The following PRAMEF11 variants were observed in gnomAD, a reference collection of about 807,000 sequenced individuals.
The protein encoded by PRAMEF11 is PRAME family member 11.
In PRAMEF11, 17 loss-of-function variants were observed where a neutral mutation model predicts 33.6. That is an observed-to-expected ratio of 0.51 (90% CI 0.35 to 0.76). The LOEUF is 0.76. Among genes scored for constraint, PRAMEF11 ranks in the 30% least tolerant of loss-of-function variants. PRAMEF11 has a pLI of 0.01. For missense variants in PRAMEF11, 568 were observed against 567.0 expected (o/e 1.00, Z -0.02); for synonymous variants, 205 against 227.3 (o/e 0.90, Z 0.88).
rs2743671 is a variant in PRAMEF11 at position 12,827,191 on chromosome 1, T to C, written c.875+58A>G. 72 of 1,510,820 alleles carry C rather than the reference T, an allele frequency of 4.8e-5. 1 individual carries two copies. The highest frequency in any genetic ancestry group is 2.2e-4 in the African/African-American group (16 of 72,764). The allele number at this position is 1,510,820 out of a possible 1,614,324, so 93.6% of individuals were successfully genotyped here. On this transcript the variant is annotated intron_variant, in intron 3 of 3. Transcript: ENST00000619922. Reference sequence around the variant, plus strand: ...CTGGCTCACAGTAGATGCCCACTAGTGTTCACTGTAACAGGCTCTGCTGTG... The same window carrying C: ...CTGGCTCACAGTAGATGCCCACTAGCGTTCACTGTAACAGGCTCTGCTGTG...
rs1639829959 is a variant in PRAMEF11, at chr1:12,825,134, A to G, written c.1245T>C (p.Tyr415=). The change falls in exon 4 of 4, where the codon TAT becomes TAC. Residue 415 remains tyrosine (Y), a synonymous_variant. Transcript: ENST00000619922. The part of the protein sequence containing the change: ...IILKNLCLEL[Y]PAPQESYGAD... Reference sequence around the variant, plus strand: ...CACCATAACTTTCCTGCGGGGCAGGATACAGCTCCAGGCATAAGTTTTTGA... The same window carrying G: ...CACCATAACTTTCCTGCGGGGCAGGGTACAGCTCCAGGCATAAGTTTTTGA... 12 of 1,609,326 alleles carry G rather than the reference A, an allele frequency of 7.5e-6. No homozygotes were observed. Among genetic ancestry groups the G allele is most frequent in the South Asian group, 1.1e-5 (1 of 90,480 alleles).
At chr1:12,826,238 A>G (rs1031087795) in intron 3 of PRAMEF11, among the ~76,000 whole-genome samples, 11 of 150,928 alleles carry the variant, frequency 7.3e-5, no homozygotes, top group African/African-American at 2.7e-4. Context: ...TATCACTTTC[A>G]TCATTCTTTG....
At chr1:12,830,498 C>T (rs556812527) in intron 1 of PRAMEF11, among the ~76,000 whole-genome samples, 1 of 151,166 alleles carries the variant, frequency 6.6e-6, no homozygotes, top group Non-Finnish European at 1.5e-5. Flanking sequence ...AAATTAAGGT[C>T]AAAGATCCTT....
chr1:12,829,657 C>A (rs1239380797), intron 1 of PRAMEF11, among the ~76,000 whole-genome samples: 2 of 151,354 alleles, frequency 1.3e-5, no homozygotes, highest in Non-Finnish European at 2.9e-5. Context: ...CAATCTACCC[C>A]TCTTGGCCTC....
chr1:12,829,517 C>A (rs78016965), intron 1 of PRAMEF11, among the ~76,000 whole-genome samples: 1,452 of 143,636 alleles, frequency 0.01, 4 homozygotes, highest in East Asian at 0.056. Flanking sequence ...TCTTCCTCCT[C>A]AGCCTCTCAA....
intron 1 of PRAMEF11, among the ~76,000 whole-genome samples, chr1:12,830,588 G>A (rs1379828516): frequency 1.3e-5 from 2 of 150,994 alleles, no homozygotes; most frequent in East Asian, 3.9e-4. Flanking sequence ...GTATGAGCAT[G>A]GCTCACTGCA....
intron 1 of PRAMEF11, among the ~76,000 whole-genome samples, chr1:12,829,798 A>G (rs998501862): frequency 2.0e-5 from 3 of 151,114 alleles, no homozygotes; most frequent in Non-Finnish European, 4.4e-5. Context: ...ACTTGAACCC[A>G]GGAGGCAGAA....
intron 3 of PRAMEF11, among the ~76,000 whole-genome samples, chr1:12,827,007 A>G (rs1443382259): frequency 6.6e-6 from 1 of 151,122 alleles, no homozygotes; most frequent in African/African-American, 2.4e-5. Flanking sequence ...ACCCCCCAGT[A>G]GCTAGCTTCC....
intron 2 of PRAMEF11, 112 bp from the exon 3 acceptor site, chr1:12,827,942 T>G (rs1362709311): frequency 1.3e-6 from 2 of 1,564,418 alleles, no homozygotes; most frequent in Non-Finnish European, 1.7e-6. Context: ...TCTCTCTGAG[T>G]TTTCTTCACC....
chr1:12,825,458 C>A lies in PRAMEF11; in HGVS notation c.921G>T (p.Val307=). Residue 307 remains valine, a synonymous_variant, in exon 4 of 4, where the codon GTG becomes GTT. Coordinates refer to ENST00000619922, the MANE Select transcript of PRAMEF11 (RefSeq NM_001146344.3). Reference sequence around the variant, plus strand: ...GATGCTTCAAGTCTGATTCCAAAAGCACACAGTTAGTTATTGTGAGGACCT... The same window carrying A: ...GATGCTTCAAGTCTGATTCCAAAAGAACACAGTTAGTTATTGTGAGGACCT... ...SLKVLTITNC[V]LLESDLKHLS... The A allele has an allele frequency of 8.9e-7, 1 of 1,123,596 alleles. No homozygotes were observed. The highest frequency in any genetic ancestry group is 1.3e-6 in the Non-Finnish European group (1 of 796,736). The allele number at this position is 1,123,596 out of a possible 1,614,324, so 69.6% of individuals were successfully genotyped here.
In PRAMEF11 at chr1:12,828,507, C is replaced by T. The variant is rs59592656; in HGVS notation, c.283G>A (p.Val95Ile). 2.1e-3 allele frequency: 3,342 copies of T among 1,600,024 alleles called. 110 individuals carry two copies. The African/African-American group carries it at 0.04, about 19-fold the overall frequency. ...CCTGGGCCACCTCACCTGGGACGAA[C>T]CCCTTGGGTAAGCAGTGCATCCAGC... is the stretch of plus-strand genomic sequence containing the variant. ...DGLDALLTQG[V>I]RPRRWKLQVL... The change falls in exon 2 of 4, where the codon GTT becomes ATT. Residue 95 changes from valine (V) to isoleucine (I), a missense_variant. By Grantham distance (29) the Val-to-Ile change is conservative. Around this residue, in one of 3 missense-constraint regions of PRAMEF11, gnomAD observed 342 missense variants for 312.0 expected, o/e 1.10. Coordinates refer to ENST00000619922, the MANE Select transcript of PRAMEF11 (RefSeq NM_001146344.3).
Position 12,825,256 on chromosome 1 carries a change from C to A in PRAMEF11, c.1123G>T (p.Ala375Ser). 2 of 1,606,184 alleles carry A rather than the reference C, an allele frequency of 1.2e-6. No homozygotes were observed. Among genetic ancestry groups the A allele is most frequent in the South Asian group, 1.1e-5 (1 of 90,320 alleles). Residue 375 changes from alanine (A) to serine (S), a missense_variant, in exon 4 of 4, where the codon GCC becomes TCC. Physicochemically the swap from Ala to Ser is moderately conservative, Grantham distance 99. Around this residue, in one of 3 missense-constraint regions of PRAMEF11, gnomAD observed 174 missense variants for 127.2 expected, o/e 1.37. Transcript: ENST00000619922. ...TTGAGCTCAAAGCAGCGGCTCAGGG[C>A]AGGCAGGATGGCGTTGACTTGGGAG... ...IDSQVNAILPALSRCFELNTF... is the reference protein window; with the variant it reads ...IDSQVNAILPSLSRCFELNTF...
In PRAMEF11 at chr1:12,828,641, C is replaced by A. The variant is rs773130613; in HGVS notation, c.149G>T (p.Arg50Leu). Residue 50 changes from arginine (R) to leucine (L), a missense_variant, in exon 2 of 4, where the codon CGC becomes CTC. By Grantham distance (102) the Arg-to-Leu change is moderately radical. Transcript: ENST00000619922. ...PLFMEAFSRR[R>L]CEALKLMVQA... ...CACCATCAGCTTCAGGGCCTCACAG[C>A]GTCTCCTGCTGAAGGCCTCCATGAA... 1.9e-6 allele frequency: 3 copies of A among 1,610,400 alleles called. No individual in the cohort carries two copies. Among genetic ancestry groups the A allele is most frequent in the Admixed American group, 1.7e-5 (1 of 59,716 alleles).
chr1:12,829,863 T>C (rs1388672783), intron 1 of PRAMEF11, among the ~76,000 whole-genome samples: 1 of 151,232 alleles, frequency 6.6e-6, no homozygotes, highest in African/African-American at 2.4e-5. Context: ...ATAGGCTAGA[T>C]TGAACAGAGA....
chr1:12,831,209 G>C (rs930121328), intron 1 of PRAMEF11, 147 bp downstream of exon 1: 1 of 150,946 alleles, frequency 6.6e-6, no homozygotes, highest in Admixed American at 6.6e-5. Context: ...TGCATTTAGA[G>C]GAAAAAATTC....
rs547519601 is a variant in PRAMEF11, at chr1:12,825,963, T to G, written c.876-460A>C. Reference sequence around the variant, plus strand: ...CACTCCAGCCTGGGTGACAGAGTGATACTCTATTAAAAAAAAAAAAAGGAG... The same window carrying G: ...CACTCCAGCCTGGGTGACAGAGTGAGACTCTATTAAAAAAAAAAAAAGGAG... On this transcript the variant is annotated intron_variant, in intron 3 of 3. Coordinates refer to ENST00000619922, the MANE Select transcript of PRAMEF11 (RefSeq NM_001146344.3). Among the ~76,000 whole-genome samples the G allele has an allele frequency of 4.6e-4, 64 of 138,172 alleles. 1 individual carries two copies. Among genetic ancestry groups the G allele is most frequent in the African/African-American group, 1.6e-3 (58 of 36,770 alleles). 90.6% of individuals were successfully genotyped at this position (138,172 alleles called of 152,430 possible). A position where few individuals can be genotyped will look rare whatever the true frequency, so the allele number is the denominator to read the frequency against.
Position 12,827,704 on chromosome 1 carries a change from A to G in PRAMEF11, c.420T>C (p.Cys140=), listed in dbSNP as rs746043907. ...AGGGCTGCCGTCCTCTCATCCTTGG[A>G]CAGTCCTGCACTGGTTTTTTGTTCC... ...AKRNKKPVQD[C]PRMRGRQPLT... The change falls in exon 3 of 4, where the codon TGT becomes TGC. Residue 140 remains cysteine (C), a synonymous_variant. Coordinates refer to ENST00000619922, the MANE Select transcript of PRAMEF11 (RefSeq NM_001146344.3). The G allele has an allele frequency of 3.7e-6, 6 of 1,609,914 alleles. 1 individual carries two copies. The highest frequency in any genetic ancestry group is 5.1e-6 in the Non-Finnish European group (6 of 1,178,012).
chr1:12,826,793 T>C (rs1315477490), intron 3 of PRAMEF11, among the ~76,000 whole-genome samples: 2 of 148,950 alleles, frequency 1.3e-5, no homozygotes, highest in Non-Finnish European at 2.9e-5. Context: ...TTGATTTTAC[T>C]TTTATTTATT....
At chr1:12,829,367 G>C (rs192670681) in intron 1 of PRAMEF11, among the ~76,000 whole-genome samples, 2,688 of 133,010 alleles carry the variant, frequency 0.02, 120 homozygotes, top group African/African-American at 0.071. Flanking sequence ...TTCTTTCCCT[G>C]CCTCCCTTCT....
Sources: gnomAD v4.1 joint callset for allele counts (sites outside exome capture counted in the v4.1 genomes callset) on GRCh38, gnomAD v4.1.1 for gene constraint, gnomAD v4.1.1 regional missense constraint, MANE v1.5 for transcripts, NCBI Gene and HGNC (gene_info 2026-07-23, HGNC 2026-07-21) for gene names.